ZMYM3: variants seen among roughly 807,000 people sequenced by gnomAD.
ZMYM3 encodes zinc finger MYM-type containing 3.
A neutral mutation model predicts 94.2 loss-of-function variants in ZMYM3; 6 were observed. The observed-to-expected ratio is 0.06, with a 90% confidence interval of 0.03 to 0.13. The LOEUF (loss-of-function observed/expected upper bound fraction) is 0.13, where lower values mean the gene tolerates loss of function less well. Ranked by LOEUF, ZMYM3 falls within the 10% of genes least tolerant of loss-of-function variation. ZMYM3 has a pLI of 1.00. For missense variants in ZMYM3, 664 were observed against 1,132.6 expected, an observed-to-expected ratio of 0.59 and a Z score of 5.94; for synonymous variants, 420 against 426.5, an observed-to-expected ratio of 0.98 and a Z score of 0.19.
chrX:71,248,253 A>C lies in ZMYM3; in HGVS notation c.1884T>G (p.Gly628=). 8.3e-7 allele frequency: 1 copy of C among 1,208,357 alleles called. No individual in the cohort carries two copies. The highest frequency in any genetic ancestry group is 1.1e-6 in the Non-Finnish European group (1 of 893,875). Residue 628 remains glycine (G), a synonymous_variant, in exon 11 of 25, where the codon GGT becomes GGG. Transcript: ENST00000314425. ...DCCEDFKRLR[G]VVSQCEHCRQ... is the part of the protein sequence containing the mutation. ...GACAGTGCTCACACTGGGACACCAC[A>C]CCCCGAAGCCGCTTGAAGTCCTCAC...
rs1167500947 is a variant in ZMYM3, at chrX:71,248,530, G to A, written c.1738-6C>T. ...CCCCCCTCAGGGCTTGTGCGCTGGA[G>A]GGAAGGAAGACAAGTAAGGGAGGGG... On this transcript the variant is annotated splice_polypyrimidine_tract_variant and splice_region_variant and intron_variant, in intron 9 of 24. Transcript: ENST00000314425. 2.7e-5 allele frequency: 33 copies of A among 1,207,960 alleles called. No homozygotes were observed. The highest frequency in any genetic ancestry group is 3.0e-5 in the Non-Finnish European group (27 of 893,731).
Position 71,243,025 on chromosome X carries a change from A to G in ZMYM3, c.3492T>C (p.Phe1164=), listed in dbSNP as rs375514116. The G allele has an allele frequency of 8.3e-7, 1 of 1,211,966 alleles. No individual in the cohort carries two copies. The highest frequency in any genetic ancestry group is 1.1e-6 in the Non-Finnish European group (1 of 895,560). The part of the protein sequence containing the change: ...NIFTDLYYLT[F]VQELNKSLST... ...TCAGAGACTTGTTGAGTTCTTGAAC[A>G]AAAGTCAGGTAGTAAAGGTCCGTGA... The change falls in exon 22 of 25, where the codon TTT becomes TTC. Residue 1164 remains phenylalanine, a synonymous_variant. Transcript: ENST00000314425.
chrX:71,244,235 C>T, intron 20 of ZMYM3, 67 bp downstream of exon 20: 2 of 1,161,680 alleles, frequency 1.7e-6, no homozygotes, highest in Middle Eastern at 2.4e-4. Flanking sequence ...AGGCCCAGCC[C>T]CTTCTCCCCT....
Position 71,248,166 on chromosome X carries a change from G to A in ZMYM3, c.1971C>T (p.Ser657=), listed in dbSNP as rs142048779. Residue 657 remains serine, a synonymous_variant, in exon 11 of 25, where the codon AGC becomes AGT. Coordinates refer to ENST00000314425, the MANE Select transcript of ZMYM3 (RefSeq NM_201599.3). The stretch of plus-strand genomic sequence containing the variant: ...TGCCCTTCCCCATCTCCTTACCTTC[G>A]CTGCAGAAGCTTTTCTCCACTCCGC... The part of the protein sequence containing the change: ...RFSGVEKSFC[S]EGCVLLYKQD... The A allele has an allele frequency of 7.6e-5, 92 of 1,208,490 alleles. No homozygotes were observed. The highest frequency in any genetic ancestry group is 1.5e-4 in the Admixed American group (7 of 45,640).
chrX:71,248,387 T>C (rs2030282673), intron 10 of ZMYM3, 51 bp downstream of exon 10: 1 of 1,197,934 alleles, frequency 8.3e-7, no homozygotes, highest in East Asian at 3.0e-5. Context: ...GAAGGACCCC[T>C]TCAGACAGTC....
chrX:71,249,721 C>T, intron 6 of ZMYM3, 42 bp from the exon 7 acceptor site: 7 of 1,184,612 alleles, frequency 5.9e-6, no homozygotes, highest in Non-Finnish European at 7.9e-6. Context: ...GGCCTGGCCA[C>T]CACCGCCCAC....
At chrX:71,253,330 T>C (rs934461453) in intron 1 of ZMYM3, 56 bp from the exon 2 acceptor site, 1 of 948,918 alleles carries the variant, frequency 1.1e-6, no homozygotes, top group Non-Finnish European at 1.4e-6. Context: ...CTGAATTCCT[T>C]CTTATATAGG....
intron 21 of ZMYM3, 94 bp downstream of exon 21, chrX:71,243,735 C>T (rs973172173): frequency 8.3e-6 from 9 of 1,083,749 alleles, no homozygotes; most frequent in African/African-American, 3.7e-5. Flanking sequence ...GGATTACAGG[C>T]GTGAGCCACC....
intron 1 of ZMYM3, 145 bp from the exon 2 acceptor site, chrX:71,253,419 G>T (rs1890425948): frequency 1.1e-5 from 5 of 469,401 alleles, no homozygotes; most frequent in Non-Finnish European, 1.6e-5. Flanking sequence ...ATTTCCGAAG[G>T]CTTTAGTCCT....
rs779781647 is a variant in ZMYM3, at chrX:71,252,954, C to T, written c.302G>A (p.Gly101Glu). 8.3e-7 allele frequency: 1 copy of T among 1,211,636 alleles called. No individual in the cohort carries two copies. Among genetic ancestry groups the T allele is most frequent in the Non-Finnish European group, 1.1e-6 (1 of 895,397 alleles). The change falls in exon 2 of 25, where the codon GGA (glycine) becomes GAA (glutamate). Residue 101 changes from glycine to glutamate, a missense_variant. This residue lies in a region of ZMYM3 where 196 missense variants were observed against 190.8 expected (regional missense o/e 1.03). Transcript: ENST00000314425. ...ATCTCCTGCATCCCATGCCAGGGTT[C>T]CCTCAGGACCGTGGTCCACCTCCGG... ...SPPEVDHGPE[G>E]TLAWDAGDQT...
chrX:71,239,834 G>A lies in ZMYM3; in HGVS notation c.*1082C>T, dbSNP rs1265852013. The A allele has an allele frequency of 2.7e-5, 3 of 112,597 alleles. No individual in the cohort carries two copies. The highest frequency in any genetic ancestry group is 9.7e-5 in the African/African-American group (3 of 30,874). The allele number at this position is 112,597 out of a possible 1,213,427, so 9.3% of individuals were successfully genotyped here. ...CCTGGGAAACAGCAAAGTCAACAGG[G>A]AAAGAAGTGGGTACCCCCTTTGCCA... is the stretch of plus-strand genomic sequence containing the variant. On this transcript the variant is annotated 3_prime_UTR_variant, in exon 25 of 25. Transcript: ENST00000314425.
In ZMYM3 at chrX:71,249,821, G is replaced by A. The variant is rs917972343; in HGVS notation, c.1252-142C>T. 7.4e-6 allele frequency: 8 copies of A among 1,082,949 alleles called. No homozygotes were observed. In the African/African-American group the frequency reaches 1.3e-4, roughly 18 times the overall value. The allele number at this position is 1,082,949 out of a possible 1,213,427, so 89.2% of individuals were successfully genotyped here. On this transcript the variant is annotated intron_variant, in intron 6 of 24. Coordinates refer to ENST00000314425, the MANE Select transcript of ZMYM3 (RefSeq NM_201599.3). ...CCCCCAACCTGCGCCGCAGGCTGCC[G>A]ACTTGATGGTGAGGTCCTGGGAGGT...
rs1280454247 is a variant in ZMYM3 at position 71,252,721 on chromosome X, G to C, written c.535C>G (p.Leu179Val). Residue 179 changes from leucine to valine, a missense_variant, in exon 2 of 25, where the codon CTT becomes GTT. By Grantham distance (32) the Leu-to-Val change is conservative. This residue lies in a region of ZMYM3 where 196 missense variants were observed against 190.8 expected (regional missense o/e 1.03). Coordinates refer to ENST00000314425, the MANE Select transcript of ZMYM3 (RefSeq NM_201599.3). Reference sequence around the variant, plus strand: ...GGGCTCTGTGGCTGCCCTTGGGGAAGCTCCTCCTCCTGCCCAGGGGAGCCC... The same window carrying C: ...GGGCTCTGTGGCTGCCCTTGGGGAACCTCCTCCTCCTGCCCAGGGGAGCCC... ...RRGSPGQEEE[L>V]PQGQPQSPNA... 4 of 1,205,283 alleles carry C rather than the reference G, an allele frequency of 3.3e-6. No homozygotes were observed. The East Asian group carries it at 1.2e-4, about 36-fold the overall frequency.
At chrX:71,255,084 A>ATCTCTCTCTC (rs61261611), upstream of ZMYM3, 5 of 20,840 alleles carry the variant, frequency 2.4e-4, no homozygotes, top group South Asian at 3.1e-3. Flanking sequence ...ACCAGGGCTG[A>ATCTCTCTCTC]TCTCTCTCTC....
At chrX:71,250,342 T>C in intron 5 of ZMYM3, 90 bp downstream of exon 5, 1 of 1,104,109 alleles carries the variant, frequency 9.1e-7, no homozygotes, top group African/African-American at 1.8e-5. Context: ...CCCAGCTCCA[T>C]CCTGCTAGGT....
chrX:71,248,622 C>A (rs2030296690), intron 9 of ZMYM3, 64 bp downstream of exon 9: 1 of 1,149,504 alleles, frequency 8.7e-7, no homozygotes, highest in Non-Finnish European at 1.2e-6. Flanking sequence ...GCCTGCCTAC[C>A]CCAATTCTCC....
At chrX:71,248,973 G>A (rs1378808171) in intron 8 of ZMYM3, 46 bp downstream of exon 8, 22 of 1,205,173 alleles carry the variant, frequency 1.8e-5, no homozygotes, top group Non-Finnish European at 2.4e-5. Context: ...ATGGGAGGTA[G>A]AGAGAAGGCC....
chrX:71,246,479 G>GGGGGGGGGGGCC lies in ZMYM3; in HGVS notation c.2445_2446insGGCCCCCCCCCC (p.Ala815_Pro816insGlyProProPro). The stretch of plus-strand genomic sequence containing the variant: ...GGGGGTGGTGGGGGTGGAGGGGTGG[G>GGGGGGGGGGGCC]AGCAGTGGGAGCTGATCGGGTCTTC... On this transcript the variant is annotated inframe_insertion, in exon 15 of 25. Transcript: ENST00000314425. 1 of 333,494 alleles carries GGGGGGGGGGGCC rather than the reference G, an allele frequency of 3.0e-6. No homozygotes were observed. Among genetic ancestry groups the GGGGGGGGGGGCC allele is most frequent in the Non-Finnish European group, 5.6e-6 (1 of 178,529 alleles). 27.5% of individuals were successfully genotyped at this position (333,494 alleles called of 1,213,427 possible).
At position 71,253,153 on chromosome X, in the gene ZMYM3, G is replaced by A. The variant is rs1464031605; in HGVS notation, c.103C>T (p.Leu35=). The A allele has an allele frequency of 2.5e-6, 3 of 1,204,091 alleles. No homozygotes were observed. The African/African-American group carries it at 5.3e-5, about 21-fold the overall frequency. The part of the protein sequence containing the change: ...PVDMEFGEDL[L]ESQTAPTRGW... ...CGAGTTGGGGCAGTCTGGGATTCCA[G>A]TAGATCCTCTCCAAATTCCATGTCT... Residue 35 remains leucine, a synonymous_variant, in exon 2 of 25, where the codon CTG becomes TTG. Coordinates refer to ENST00000314425, the MANE Select transcript of ZMYM3 (RefSeq NM_201599.3).
Sources: gnomAD v4.1 joint callset for allele counts on GRCh38, gnomAD v4.1.1 for gene constraint, gnomAD v4.1.1 regional missense constraint, MANE v1.5 for transcripts, NCBI Gene and HGNC (gene_info 2026-07-23, HGNC 2026-07-21) for gene names.